REEP1: variants seen among roughly 807,000 people sequenced by gnomAD.
The protein encoded by REEP1 is receptor expression-enhancing protein 1.
Under a neutral mutation model 40.3 loss-of-function variants are expected in REEP1, and 22 were observed. The observed-to-expected ratio is 0.55, with a 90% CI of 0.39 to 0.78. REEP1 has a LOEUF of 0.78. Among genes scored for constraint, REEP1 ranks in the 30% least tolerant of loss-of-function variants. The probability of loss-of-function intolerance (pLI) is 0.00; values close to 1 mark genes in which losing one functional copy is unlikely to be tolerated. For missense variants in REEP1, 280 were observed against 361.1 expected (o/e 0.78, Z 1.82); for synonymous variants, 116 against 139.2 (o/e 0.83, Z 1.17).
In REEP1 at chr2:86,337,544, G is replaced by T. The variant is rs776902540; in HGVS notation, c.-34C>A. The T allele has an allele frequency of 8.1e-7, 1 of 1,236,388 alleles. No homozygotes were observed. The highest frequency in any genetic ancestry group is 3.5e-5 in the East Asian group (1 of 28,984). 76.6% of individuals were successfully genotyped at this position (1,236,388 alleles called of 1,614,324 possible). ...GGCGGGCGGGCGAGGCCCGGGCGGC[G>T]CGGCTCGGCTAGGCTGCGGGCGGCG... On this transcript the variant is annotated 5_prime_UTR_variant, in exon 1 of 9. Transcript: ENST00000538924. This position sits in a 1 kb window ranked among gnomAD's most constrained non-coding sequence, Gnocchi z 5.8.
intron 2 of REEP1, among the ~76,000 whole-genome samples, chr2:86,275,793 T>C (rs1677727291): frequency 2.0e-5 from 3 of 152,182 alleles, no homozygotes; most frequent in African/African-American, 4.8e-5. Flanking sequence ...TTTCCACGTC[T>C]TTGTGACTTT....
At chr2:86,286,018 G>A (rs753344730) in intron 1 of REEP1, among the ~76,000 whole-genome samples, 9 of 152,070 alleles carry the variant, frequency 5.9e-5, no homozygotes, top group East Asian at 3.9e-4. Context: ...ACAGCTCTGC[G>A]CCCACCCTCT....
intron 1 of REEP1, among the ~76,000 whole-genome samples, chr2:86,297,480 G>A (rs962294218): frequency 1.3e-5 from 2 of 152,232 alleles, no homozygotes; most frequent in Non-Finnish European, 2.9e-5. Flanking sequence ...ATGGACTATG[G>A]TGTCCCACCA....
chr2:86,313,117 T>C (rs1439657455), intron 1 of REEP1, among the ~76,000 whole-genome samples: 6 of 152,138 alleles, frequency 3.9e-5, no homozygotes, highest in Admixed American at 1.3e-4. Flanking sequence ...TATTTTATTT[T>C]CTTTTATTCT....
At chr2:86,324,139 CG>C (rs985546902) in intron 1 of REEP1, among the ~76,000 whole-genome samples, 4 of 148,504 alleles carry the variant, frequency 2.7e-5, no homozygotes, top group African/African-American at 1.0e-4. Flanking sequence ...AAACTATAAA[CG>C]AAAAAAAAAA....
At chr2:86,331,227 C>T (rs1680747477) in intron 1 of REEP1, among the ~76,000 whole-genome samples, 1 of 152,196 alleles carries the variant, frequency 6.6e-6, no homozygotes. Flanking sequence ...GCTATTCTCC[C>T]TCAGCTCCAA....
intron 1 of REEP1, among the ~76,000 whole-genome samples, chr2:86,318,484 C>T (rs191221129): frequency 0.011 from 1,622 of 151,134 alleles, 11 homozygotes; most frequent in Non-Finnish European, 0.018. Flanking sequence ...CTGCAACCTC[C>T]GCCTCCCGGG....
At chr2:86,256,246 G>A (rs1417853546) in intron 3 of REEP1, among the ~76,000 whole-genome samples, 1 of 151,620 alleles carries the variant, frequency 6.6e-6, no homozygotes, top group Non-Finnish European at 1.5e-5. Context: ...TACTCAGGGG[G>A]CTGAGGCAGG....
rs1381105837 is a variant in REEP1, at chr2:86,236,834, C to T, written c.418-4032G>A. 4.6e-5 allele frequency among the ~76,000 whole-genome samples: 7 copies of T among 152,020 alleles called. No individual in the cohort carries two copies. The East Asian group carries it at 1.4e-3, about 29-fold the overall frequency. ...TCACTGCAACTCCGCCTCCCGCGTT[C>T]ACGCATTCTCTTGCCTCAACCTCCA... On this transcript the variant is annotated intron_variant, in intron 5 of 8. Coordinates refer to ENST00000538924, the MANE Select transcript of REEP1 (RefSeq NM_001371279.1).
At chr2:86,268,664 C>T (rs1049704084) in intron 2 of REEP1, among the ~76,000 whole-genome samples, 2 of 151,966 alleles carry the variant, frequency 1.3e-5, no homozygotes, top group South Asian at 4.1e-4. Context: ...AAGACCAGAA[C>T]AATTAATATA....
In REEP1 at chr2:86,263,967, A is replaced by G; in HGVS notation, c.180T>C (p.Cys60=). 1.2e-6 allele frequency: 2 copies of G among 1,611,270 alleles called. No homozygotes were observed. Among genetic ancestry groups the G allele is most frequent in the Middle Eastern group, 3.3e-4 (2 of 6,060 alleles). ...TAETFTDIFL[C]WFPFYYELKI... ...ATCCCAACTCCTGGAGTACTTACCA[A>G]CAAAGGAAGATGTCTGTGAATGTCT... The change falls in exon 3 of 9, where the codon TGT becomes TGC. Residue 60 remains cysteine, a splice_region_variant and synonymous_variant. Coordinates refer to ENST00000538924, the MANE Select transcript of REEP1 (RefSeq NM_001371279.1).
rs568503639 is a variant in REEP1, at chr2:86,298,616, C to T, written c.33-16374G>A. On this transcript the variant is annotated intron_variant, in intron 1 of 8. Transcript: ENST00000538924. ...CTGGCCTCTGCTGGGCTGTTTCTACCGTGTGGACGCTTTGAGCATGAACTG... is the reference window on the plus strand; with the variant it reads ...CTGGCCTCTGCTGGGCTGTTTCTACTGTGTGGACGCTTTGAGCATGAACTG... Among the ~76,000 whole-genome samples the T allele has an allele frequency of 7.9e-5, 12 of 152,334 alleles. No individual in the cohort carries two copies. In the South Asian group the frequency reaches 1.2e-3, roughly 16 times the overall value.
intron 4 of REEP1, among the ~76,000 whole-genome samples, chr2:86,254,084 A>C (rs1676420529): frequency 6.6e-6 from 1 of 152,268 alleles, no homozygotes; most frequent in East Asian, 1.9e-4. Context: ...GGGTATTACG[A>C]AGACCAAGTA....
At chr2:86,274,176 C>A (rs1436172978) in intron 2 of REEP1, among the ~76,000 whole-genome samples, 7 of 152,162 alleles carry the variant, frequency 4.6e-5, no homozygotes, top group Non-Finnish European at 7.3e-5. Flanking sequence ...AAGAAAGGCA[C>A]CTGTTGAAGT....
chr2:86,247,988 A>G (rs1217270680), intron 5 of REEP1, among the ~76,000 whole-genome samples: 2 of 152,198 alleles, frequency 1.3e-5, no homozygotes, highest in Non-Finnish European at 2.9e-5. Context: ...GCTCAACATT[A>G]TTTTTGAAAG....
intron 5 of REEP1, chr2:86,251,495 T>G (rs2104219845): frequency 4.9e-6 from 1 of 204,668 alleles, no homozygotes; most frequent in South Asian, 8.8e-5. Context: ...TGATCGTGAG[T>G]GAGTCCACCC....
chr2:86,245,987 A>T (rs1005049754), intron 5 of REEP1, among the ~76,000 whole-genome samples: 1 of 151,984 alleles, frequency 6.6e-6, no homozygotes, highest in East Asian at 1.9e-4. Flanking sequence ...GATGGTCTCG[A>T]TCTCCTGACC....
intron 5 of REEP1, among the ~76,000 whole-genome samples, chr2:86,243,360 G>A (rs898804132): frequency 1.3e-5 from 2 of 152,198 alleles, no homozygotes; most frequent in African/African-American, 4.8e-5. Context: ...GCCCTGTGAG[G>A]TCAGGCAGGC....
intron 1 of REEP1, among the ~76,000 whole-genome samples, chr2:86,305,440 C>T (rs1189426899): frequency 1.3e-5 from 2 of 152,360 alleles, no homozygotes; most frequent in Non-Finnish European, 2.9e-5. Flanking sequence ...GCTCTCCTGT[C>T]TCTAACAGCC....
Sources: gnomAD v4.1 joint callset for allele counts (sites outside exome capture counted in the v4.1 genomes callset) on GRCh38, gnomAD v4.1.1 for gene constraint, Gnocchi (gnomAD v3.1) non-coding constraint, MANE v1.5 for transcripts, NCBI Gene and HGNC (gene_info 2026-07-23, HGNC 2026-07-21) for gene names.